Variants in EPN2 observed in about 807,000 individuals in gnomAD.
EPN2 encodes the protein epsin 2.
In EPN2, 34 loss-of-function variants were observed where a neutral mutation model predicts 61.7. That is an observed-to-expected ratio of 0.55 (90% CI 0.42 to 0.73). The LOEUF (loss-of-function observed/expected upper bound fraction) is 0.73. Ranked by LOEUF, EPN2 falls within the 30% of genes least tolerant of loss-of-function variation. The pLI, the probability that EPN2 is intolerant of heterozygous loss-of-function variation, is 0.00. For synonymous variants in EPN2, 349 were observed against 353.6 expected, an observed-to-expected ratio of 0.99 and a Z score of 0.15; for missense variants, 714 against 839.2, an observed-to-expected ratio of 0.85 and a Z score of 1.84.
chr17:19,290,700 C>CAAAAAAAAAAAAA (rs757256478), intron 4 of EPN2, among the ~76,000 whole-genome samples: 1 of 41,006 alleles, frequency 2.4e-5, no homozygotes, highest in Non-Finnish European at 5.3e-5. Context: ...TTCCCGTTCT[C>CAAAAAAAAAAAAA]AAAAAAAAAA....
At chr17:19,240,894 G>A (rs2044877694) in intron 1 of EPN2, among the ~76,000 whole-genome samples, 1 of 152,152 alleles carries the variant, frequency 6.6e-6, no homozygotes, top group South Asian at 2.1e-4. Context: ...AGTATTCCTC[G>A]AGGCAGGGGA....
chr17:19,317,561 C>G (rs1011448386), intron 7 of EPN2, among the ~76,000 whole-genome samples: 1 of 152,114 alleles, frequency 6.6e-6, no homozygotes, highest in Admixed American at 6.5e-5. Flanking sequence ...CTGTGAGGCT[C>G]GGGATGAGCC....
Position 19,283,552 on chromosome 17 carries a change from G to T in EPN2, c.433G>T (p.Ala145Ser). 3 of 1,614,212 alleles carry T rather than the reference G, an allele frequency of 1.9e-6. No individual in the cohort carries two copies. The highest frequency in any genetic ancestry group is 2.5e-6 in the Non-Finnish European group (3 of 1,180,034). Residue 145 changes from alanine to serine, a missense_variant, in exon 3 of 11, where the codon GCC becomes TCC. Coordinates refer to ENST00000314728, the MANE Select transcript of EPN2 (RefSeq NM_014964.5). The surrounding 1 kb of genome is among the most constrained non-coding windows in gnomAD (Gnocchi z 7.0). ...CGAGGAACGGTTGAAGGCTGAGAGG[G>T]CCCAGGCTCTCAAAACCAAAGAGCG... The part of the protein sequence containing the change: ...KDEERLKAER[A>S]QALKTKERMA...
rs114905963 is a variant in EPN2 at position 19,313,225 on chromosome 17, C to A, written c.1093C>A (p.Pro365Thr). 0.012 allele frequency: 19,898 copies of A among 1,598,350 alleles called. 151 individuals carry two copies. The highest frequency in any genetic ancestry group is 0.015 in the Non-Finnish European group (17,944 of 1,174,678). ...GPSASTNQTNPWGGPAAPAST... is the reference protein window; with the variant it reads ...GPSASTNQTNTWGGPAAPAST... ...GTCAGCCTCCACTAACCAGACCAAC[C>A]CCTGGGGCGGGCCAGCGGCTCCTGC... The change falls in exon 7 of 11, where the codon CCC (proline) becomes ACC (threonine). Residue 365 changes from proline (P) to threonine (T), a missense_variant. This residue lies in a region of EPN2 where 410 missense variants were observed against 421.8 expected (regional missense o/e 0.97). Transcript: ENST00000314728.
intron 7 of EPN2, among the ~76,000 whole-genome samples, chr17:19,315,744 CAA>C (rs1906353198): frequency 6.6e-6 from 1 of 152,188 alleles, no homozygotes. Flanking sequence ...CTCGGCCTCC[CAA>C]AGTGTTGGGA....
chr17:19,281,973 G>T lies in EPN2; in HGVS notation c.-275G>T, dbSNP rs2045363088. On this transcript the variant is annotated 5_prime_UTR_variant, in exon 2 of 11. Coordinates refer to ENST00000314728, the MANE Select transcript of EPN2 (RefSeq NM_014964.5). ...TTAACAGTGTTCATTTCTGTGTCGG[G>T]CACAGTGCTAAGTGCTGGGTGCTCA... 1 of 152,212 alleles carries T rather than the reference G, an allele frequency of 6.6e-6. No homozygotes were observed. Among genetic ancestry groups the T allele is most frequent in the Non-Finnish European group, 1.5e-5 (1 of 68,046 alleles). 9.4% of individuals were successfully genotyped at this position (152,212 alleles called of 1,614,324 possible). A position where few individuals can be genotyped will look rare whatever the true frequency, so the allele number is the denominator to read the frequency against.
chr17:19,242,562 C>T (rs1388679919), intron 1 of EPN2, among the ~76,000 whole-genome samples: 1 of 152,218 alleles, frequency 6.6e-6, no homozygotes, highest in African/African-American at 2.4e-5. Flanking sequence ...CGTTCCTGGG[C>T]ATAGAAAGTC....
intron 1 of EPN2, chr17:19,279,710 C>G (rs1219292238): frequency 6.6e-6 from 1 of 151,852 alleles, no homozygotes; most frequent in African/African-American, 2.4e-5. Flanking sequence ...GCTGGGATTA[C>G]AGGCGTGAGC....
At chr17:19,248,067 G>C (rs1456343308) in intron 1 of EPN2, among the ~76,000 whole-genome samples, 1 of 152,194 alleles carries the variant, frequency 6.6e-6, no homozygotes, top group Non-Finnish European at 1.5e-5. Context: ...GCTGAGCTGT[G>C]TGCTTGGAGG....
chr17:19,301,889 C>G (rs1249934910), intron 4 of EPN2, among the ~76,000 whole-genome samples: 1 of 152,252 alleles, frequency 6.6e-6, no homozygotes, highest in East Asian at 1.9e-4. Flanking sequence ...AGAGGAGGCC[C>G]TGCTTGGTGT....
At chr17:19,278,760 T>C (rs1195254395) in intron 1 of EPN2, among the ~76,000 whole-genome samples, 1 of 152,198 alleles carries the variant, frequency 6.6e-6, no homozygotes, top group African/African-American at 2.4e-5. Context: ...GCGATTCTCA[T>C]GCCTCAGCTA....
chr17:19,238,363 T>A (rs2044842814), intron 1 of EPN2, among the ~76,000 whole-genome samples: 1 of 151,324 alleles, frequency 6.6e-6, no homozygotes, highest in Admixed American at 6.6e-5. Context: ...GCTAGAGGAG[T>A]CGGTGCCAAC....
intron 1 of EPN2, among the ~76,000 whole-genome samples, chr17:19,241,584 CAAAAA>C (rs767439856): frequency 0.073 from 4,366 of 60,016 alleles, 264 homozygotes; most frequent in South Asian, 0.33. Context: ...GACTCTGTCT[CAAAAA>C]AAAAAAAAAA....
chr17:19,249,971 C>T (rs1161668382), intron 1 of EPN2, among the ~76,000 whole-genome samples: 2 of 152,152 alleles, frequency 1.3e-5, no homozygotes, highest in Non-Finnish European at 2.9e-5. Context: ...CTCTTTCCCA[C>T]GTGGTTTCTC....
At chr17:19,262,982 A>G (rs2045158332) in intron 1 of EPN2, among the ~76,000 whole-genome samples, 1 of 152,234 alleles carries the variant, frequency 6.6e-6, no homozygotes, top group African/African-American at 2.4e-5. Flanking sequence ...TGATCTGTTC[A>G]TCAATTGGAC....
intron 4 of EPN2, among the ~76,000 whole-genome samples, chr17:19,293,080 C>T (rs1439024665): frequency 3.3e-5 from 5 of 151,638 alleles, no homozygotes; most frequent in African/African-American, 1.2e-4. Flanking sequence ...TTATTTTTTT[C>T]TTTTTAAGAT....
chr17:19,287,042 G>C (rs376745424), intron 4 of EPN2, among the ~76,000 whole-genome samples: 21 of 152,160 alleles, frequency 1.4e-4, no homozygotes, highest in African/African-American at 5.1e-4. Context: ...TTTGAGCCTT[G>C]GTGGCCAATT....
intron 1 of EPN2, among the ~76,000 whole-genome samples, chr17:19,277,651 T>C (rs2045320559): frequency 6.6e-6 from 1 of 152,218 alleles, no homozygotes; most frequent in Non-Finnish European, 1.5e-5. Context: ...TGGAGCTTTG[T>C]GCCCACTGGC....
chr17:19,291,641 C>T (rs2045466581), intron 4 of EPN2, among the ~76,000 whole-genome samples: 2 of 152,068 alleles, frequency 1.3e-5, no homozygotes, highest in South Asian at 2.1e-4. Context: ...GGGGTTTCAC[C>T]GTGTTAGCCA....
Sources: gnomAD v4.1 joint callset for allele counts (sites outside exome capture counted in the v4.1 genomes callset) on GRCh38, gnomAD v4.1.1 for gene constraint, gnomAD v4.1.1 regional missense constraint, Gnocchi (gnomAD v3.1) non-coding constraint, MANE v1.5 for transcripts, NCBI Gene and HGNC (gene_info 2026-07-23, HGNC 2026-07-21) for gene names.